Variants in GRID1 observed in about 807,000 individuals in gnomAD.
GRID1 encodes glutamate ionotropic receptor delta type subunit 1.
A neutral mutation model predicts 98.0 loss-of-function variants in GRID1; 28 were observed. That is an observed-to-expected ratio of 0.29 (90% CI 0.21 to 0.39). The LOEUF is 0.39. Among genes scored for constraint, GRID1 ranks in the 10% least tolerant of loss-of-function variants. The pLI, the probability that GRID1 is intolerant of heterozygous loss-of-function variation, is 1.00. For synonymous variants in GRID1, 553 were observed against 538.5 expected (o/e 1.03, Z -0.37); for missense variants, 1,111 against 1,340.5 (o/e 0.83, Z 2.67).
chr10:86,219,156 T>C (rs1846216867), intron 2 of GRID1, among the ~76,000 whole-genome samples: 1 of 152,190 alleles, frequency 6.6e-6, no homozygotes, highest in African/African-American at 2.4e-5. Flanking sequence ...CCCTGGCCTG[T>C]CACCTGGTGG....
At chr10:85,639,000 G>A (rs1055152878) in intron 13 of GRID1, among the ~76,000 whole-genome samples, 4 of 152,196 alleles carry the variant, frequency 2.6e-5, no homozygotes, top group Non-Finnish European at 4.4e-5. Flanking sequence ...CAGAGGTGAT[G>A]CAAAGTAGCA....
chr10:85,974,160 T>C (rs1332500909), intron 4 of GRID1, among the ~76,000 whole-genome samples: 1 of 152,182 alleles, frequency 6.6e-6, no homozygotes, highest in Non-Finnish European at 1.5e-5. Flanking sequence ...CAGCATGCCA[T>C]TGGCCAAAGC....
intron 3 of GRID1, among the ~76,000 whole-genome samples, chr10:86,189,951 T>A (rs11201934): frequency 0.043 from 6,605 of 152,146 alleles, 196 homozygotes; most frequent in South Asian, 0.078. Flanking sequence ...AACACCCCAC[T>A]CTCTGACCCT....
intron 6 of GRID1, among the ~76,000 whole-genome samples, chr10:85,868,684 C>T (rs928824391): frequency 6.6e-6 from 1 of 152,162 alleles, no homozygotes; most frequent in Admixed American, 6.5e-5. Flanking sequence ...GACTCCACCC[C>T]CAGCCCTGCC....
At chr10:85,802,838 A>AACACAC (rs59101010) in intron 8 of GRID1, among the ~76,000 whole-genome samples, 9,188 of 120,788 alleles carry the variant, frequency 0.076, 470 homozygotes, top group African/African-American at 0.12. Context: ...AAGCAGAATA[A>AACACAC]ACACACACAC....
intron 2 of GRID1, among the ~76,000 whole-genome samples, chr10:86,243,990 CTG>C (rs1182995598): frequency 6.6e-6 from 1 of 152,218 alleles, no homozygotes; most frequent in Non-Finnish European, 1.5e-5. Context: ...CTTGTGTGCA[CTG>C]TGTGTACACA....
chr10:86,080,009 G>A (rs930467209), intron 4 of GRID1, among the ~76,000 whole-genome samples: 1 of 152,098 alleles, frequency 6.6e-6, no homozygotes, highest in East Asian at 1.9e-4. Flanking sequence ...CAAGTGCAAG[G>A]AAGTGACCAC....
intron 4 of GRID1, among the ~76,000 whole-genome samples, chr10:86,114,202 C>T (rs1844537146): frequency 6.6e-6 from 1 of 152,092 alleles, no homozygotes; most frequent in Non-Finnish European, 1.5e-5. Context: ...AGTATACGTT[C>T]CTGGCTCCTG....
chr10:86,239,277 T>C (rs1044163259), intron 2 of GRID1, among the ~76,000 whole-genome samples: 19 of 152,228 alleles, frequency 1.2e-4, no homozygotes, highest in Admixed American at 3.3e-4. Flanking sequence ...TTTCTCCCTC[T>C]TGGAATGGGT....
At chr10:86,143,104 A>G (rs1845032895) in intron 3 of GRID1, among the ~76,000 whole-genome samples, 1 of 152,190 alleles carries the variant, frequency 6.6e-6, no homozygotes, top group Middle Eastern at 3.2e-3. Flanking sequence ...CTCACACCTG[A>G]AATCAGTGAT....
At chr10:86,336,848 A>ATT (rs4030750) in intron 2 of GRID1, among the ~76,000 whole-genome samples, 128,698 of 143,968 alleles carry the variant, frequency 0.89, 57,843 homozygotes, top group East Asian at 0.99. Flanking sequence ...CTGGCCCACT[A>ATT]TTTTTTTTTT....
intron 15 of GRID1, among the ~76,000 whole-genome samples, chr10:85,603,780 C>A (rs1447497912): frequency 6.6e-6 from 1 of 152,172 alleles, no homozygotes; most frequent in Non-Finnish European, 1.5e-5. Context: ...CTTTCCCTCA[C>A]CTCAAACTCC....
At position 86,242,681 on chromosome 10, in the gene GRID1, C is replaced by T. The variant is rs935289478; in HGVS notation, c.236-36033G>A. 3.3e-5 allele frequency among the ~76,000 whole-genome samples: 5 copies of T among 152,228 alleles called. No homozygotes were observed. The East Asian group carries it at 9.6e-4, about 29-fold the overall frequency. On this transcript the variant is annotated intron_variant, in intron 2 of 15. Transcript: ENST00000327946. ...ACCTCCAAAACCCCTGTCCAGGCCA[C>T]CTCGTCCAAAAGGGCCTCTCCAGCA... is the stretch of plus-strand genomic sequence containing the variant.
At chr10:86,087,495 A>AGT (rs147005955) in intron 4 of GRID1, among the ~76,000 whole-genome samples, 13 of 81,556 alleles carry the variant, frequency 1.6e-4, no homozygotes, top group African/African-American at 3.6e-4. Flanking sequence ...AGAAGATCCA[A>AGT]GTGTGTGTGT....
intron 4 of GRID1, among the ~76,000 whole-genome samples, chr10:85,999,224 A>AAAAAG (rs1554845412): frequency 6.6e-6 from 1 of 151,002 alleles, no homozygotes; most frequent in Non-Finnish European, 1.5e-5. Flanking sequence ...AAAAAAAAAA[A>AAAAAG]AAAGAAAGAA....
intron 2 of GRID1, among the ~76,000 whole-genome samples, chr10:86,218,145 G>A (rs1846202489): frequency 6.6e-6 from 1 of 151,876 alleles, no homozygotes; most frequent in African/African-American, 2.4e-5. Context: ...GACTTTCTGA[G>A]TCTTGGTCCT....
rs539605607 is a variant in GRID1, at chr10:86,309,850, G to C, written c.235+54091C>G. ...TCCTCCTACAAAGCCTCACTGCTGG[G>C]AGAGACATCCTAAGAGAGGATGCCA... On this transcript the variant is annotated intron_variant, in intron 2 of 15. Coordinates refer to ENST00000327946, the MANE Select transcript of GRID1 (RefSeq NM_017551.3). Among the ~76,000 whole-genome samples, 58 of 152,196 alleles carry C rather than the reference G, an allele frequency of 3.8e-4. 1 individual carries two copies. Among genetic ancestry groups the C allele is most frequent in the Non-Finnish European group, 7.2e-4 (49 of 68,030 alleles).
At chr10:85,703,531 G>C (rs1163037870) in intron 12 of GRID1, among the ~76,000 whole-genome samples, 4 of 151,976 alleles carry the variant, frequency 2.6e-5, no homozygotes, top group African/African-American at 7.2e-5. Flanking sequence ...GGAGGAAGAA[G>C]GAGAGGAGGA....
At chr10:86,093,815 A>G (rs917113083) in intron 4 of GRID1, among the ~76,000 whole-genome samples, 1 of 152,178 alleles carries the variant, frequency 6.6e-6, no homozygotes, top group Non-Finnish European at 1.5e-5. Context: ...CACAAGAAAG[A>G]CAAAGAAGGA....
Sources: gnomAD v4.1 joint callset for allele counts (sites outside exome capture counted in the v4.1 genomes callset) on GRCh38, gnomAD v4.1.1 for gene constraint, MANE v1.5 for transcripts, NCBI Gene and HGNC (gene_info 2026-07-23, HGNC 2026-07-21) for gene names.